Variants in GPC5 observed in about 807,000 individuals in gnomAD.
GPC5 encodes glypican 5, also known as glypican-5.
Under a neutral mutation model 53.9 loss-of-function variants are expected in GPC5, and 47 were observed. The ratio of observed to expected loss-of-function variants is 0.87; its 90% confidence interval spans 0.69 to 1.11. The LOEUF (loss-of-function observed/expected upper bound fraction) is 1.11, where lower values mean the gene tolerates loss of function less well. Among genes scored for constraint, GPC5 ranks in the 50% most tolerant of loss-of-function variants. The pLI is 0.00. For synonymous variants in GPC5, 286 were observed against 263.3 expected (o/e 1.09, Z -0.84); for missense variants, 748 against 713.1 (o/e 1.05, Z -0.56).
At chr13:92,376,296 C>G (rs2043693145) in intron 7 of GPC5, among the ~76,000 whole-genome samples, 2 of 152,276 alleles carry the variant, frequency 1.3e-5, no homozygotes, top group South Asian at 4.1e-4. Flanking sequence ...GTTGGCTAAG[C>G]TGTTTTGCAT....
chr13:91,703,980 T>G lies in GPC5; in HGVS notation c.1020+10099T>G, dbSNP rs537742589. 9.8e-5 allele frequency among the ~76,000 whole-genome samples: 15 copies of G among 152,306 alleles called. No individual in the cohort carries two copies. The East Asian group carries it at 2.7e-3, about 27-fold the overall frequency. ...TTATGATCCTTTGTACAGAATTATC[T>G]GTATATTTCTTTAAGGTCCATTTGG... is the stretch of plus-strand genomic sequence containing the variant. On this transcript the variant is annotated intron_variant, in intron 3 of 7. Coordinates refer to ENST00000377067, the MANE Select transcript of GPC5 (RefSeq NM_004466.6).
At chr13:91,519,852 G>T (rs1414598793) in intron 2 of GPC5, among the ~76,000 whole-genome samples, 1 of 150,190 alleles carries the variant, frequency 6.7e-6, no homozygotes, top group African/African-American at 2.5e-5. Context: ...AACTCATTTT[G>T]GTTAACTCTA....
intron 1 of GPC5, among the ~76,000 whole-genome samples, chr13:91,444,827 G>A (rs2139080574): frequency 6.6e-6 from 1 of 152,222 alleles, no homozygotes; most frequent in African/African-American, 2.4e-5. Flanking sequence ...TAATGATTGA[G>A]GGGGCAAAAT....
intron 7 of GPC5, among the ~76,000 whole-genome samples, chr13:92,783,223 CT>C (rs1229890203): frequency 6.6e-6 from 1 of 152,168 alleles, no homozygotes; most frequent in Admixed American, 6.6e-5. Flanking sequence ...TTTTCATTCA[CT>C]CTCTCACCTC....
At chr13:92,035,214 CAAA>C (rs11410459) in intron 6 of GPC5, among the ~76,000 whole-genome samples, 1 of 119,834 alleles carries the variant, frequency 8.3e-6, no homozygotes, top group Non-Finnish European at 1.7e-5. Context: ...GACTCCGTCT[CAAA>C]AAAAAAAAAA....
intron 7 of GPC5, among the ~76,000 whole-genome samples, chr13:92,245,415 T>G (rs2042643267): frequency 6.6e-6 from 1 of 152,202 alleles, no homozygotes; most frequent in African/African-American, 2.4e-5. Context: ...CCACATACTT[T>G]TCTAAGAATA....
chr13:92,427,236 C>T (rs1225454626), intron 7 of GPC5, among the ~76,000 whole-genome samples: 2 of 151,028 alleles, frequency 1.3e-5, no homozygotes, highest in Non-Finnish European at 3.0e-5. Context: ...ATGAATCTGA[C>T]TCTGTGTTAT....
chr13:92,113,586 C>T (rs1161926057), intron 6 of GPC5, among the ~76,000 whole-genome samples: 1 of 152,056 alleles, frequency 6.6e-6, no homozygotes, highest in African/African-American at 2.4e-5. Context: ...TATCTTGTGA[C>T]CTGGCATACT....
At position 92,613,490 on chromosome 13, in the gene GPC5, GTAATATATAATTTATATATAAAATA is replaced by G. The variant is rs1269268698; in HGVS notation, c.1562-252748_1562-252724del. ...TATTATATAATTTATATATAAATAT[GTAATATATAATTTATATATAAAATA>G]TAATATATAATTTATATATAAAATA... On this transcript the variant is annotated intron_variant, in intron 7 of 7. Transcript: ENST00000377067. Among the ~76,000 whole-genome samples, 699 of 96,542 alleles carry G rather than the reference GTAATATATAATTTATATATAAAATA, an allele frequency of 7.2e-3. 7 individuals are homozygous for G. Among genetic ancestry groups the G allele is most frequent in the Admixed American group, 0.019 (109 of 5,786 alleles). The allele number at this position is 96,542 out of a possible 152,430, so 63.3% of individuals were successfully genotyped here. A position where few individuals can be genotyped will look rare whatever the true frequency, so the allele number is the denominator to read the frequency against.
chr13:92,630,629 C>T (rs527834057), intron 7 of GPC5, among the ~76,000 whole-genome samples: 3 of 152,224 alleles, frequency 2.0e-5, no homozygotes, highest in East Asian at 1.9e-4. Context: ...CACCATGGCA[C>T]GTGTATACCT....
intron 2 of GPC5, among the ~76,000 whole-genome samples, chr13:91,569,699 G>A (rs1019769502): frequency 1.4e-4 from 22 of 152,200 alleles, no homozygotes; most frequent in African/African-American, 5.3e-4. Flanking sequence ...GAGGCCTGTT[G>A]GGAAGTGATT....
chr13:92,573,458 A>G (rs1883096134), intron 7 of GPC5, among the ~76,000 whole-genome samples: 1 of 152,152 alleles, frequency 6.6e-6, no homozygotes, highest in South Asian at 2.1e-4. Context: ...CAATTATACA[A>G]TGTTTTTCCA....
intron 7 of GPC5, among the ~76,000 whole-genome samples, chr13:92,514,704 T>C (rs1880703567): frequency 6.6e-6 from 1 of 152,188 alleles, no homozygotes; most frequent in Non-Finnish European, 1.5e-5. Context: ...ATGAGCCAGA[T>C]GCTTTGTGAG....
At chr13:91,658,103 C>A (rs1333795125) in intron 2 of GPC5, among the ~76,000 whole-genome samples, 1 of 151,798 alleles carries the variant, frequency 6.6e-6, no homozygotes, top group Non-Finnish European at 1.5e-5. Context: ...AAAATATATA[C>A]ATATTTAAGT....
Position 91,647,591 on chromosome 13 carries a change from G to C in GPC5, c.326-45596G>C, listed in dbSNP as rs150599584. On this transcript the variant is annotated intron_variant, in intron 2 of 7. Transcript: ENST00000377067. ...TGATGTGGCAGGGATGCTAAGTCTG[G>C]CCTGTTCCTAGGAAAAACGGGACTT... Among the ~76,000 whole-genome samples, 733 of 152,242 alleles carry C rather than the reference G, an allele frequency of 4.8e-3. 5 individuals are homozygous for C. Among genetic ancestry groups the C allele is most frequent in the African/African-American group, 0.017 (709 of 41,542 alleles).
intron 2 of GPC5, among the ~76,000 whole-genome samples, chr13:91,620,118 A>G (rs1279925633): frequency 6.6e-6 from 1 of 152,004 alleles, no homozygotes; most frequent in Non-Finnish European, 1.5e-5. Flanking sequence ...CTTCCCTTTC[A>G]TCTTTCCTAT....
At chr13:91,625,264 T>C (rs2033969155) in intron 2 of GPC5, among the ~76,000 whole-genome samples, 1 of 151,764 alleles carries the variant, frequency 6.6e-6, no homozygotes, top group African/African-American at 2.4e-5. Flanking sequence ...TAGGCTACTA[T>C]ATATGCATAG....
chr13:91,985,782 A>T (rs2040401172), intron 6 of GPC5, among the ~76,000 whole-genome samples: 1 of 152,156 alleles, frequency 6.6e-6, no homozygotes, highest in Non-Finnish European at 1.5e-5. Flanking sequence ...TACATATGTT[A>T]TAAACCCTAC....
chr13:92,141,455 T>C (rs2041829889), intron 6 of GPC5, among the ~76,000 whole-genome samples: 1 of 152,126 alleles, frequency 6.6e-6, no homozygotes, highest in Non-Finnish European at 1.5e-5. Flanking sequence ...TGAGAGCTTG[T>C]TTCCAAGGGT....
Sources: gnomAD v4.1 joint callset for allele counts (sites outside exome capture counted in the v4.1 genomes callset) on GRCh38, gnomAD v4.1.1 for gene constraint, MANE v1.5 for transcripts, NCBI Gene and HGNC (gene_info 2026-07-23, HGNC 2026-07-21) for gene names.